The following CDH5 variants were observed in gnomAD, a reference collection of about 807,000 sequenced individuals.
The protein encoded by CDH5 is cadherin-5.
CDH5 carries 28 observed loss-of-function variants against 62.0 expected under a neutral mutation model. That is an observed-to-expected ratio of 0.45 (90% CI 0.33 to 0.62). CDH5 has a LOEUF of 0.62. Ranked by LOEUF, CDH5 falls within the 20% of genes least tolerant of loss-of-function variation. The pLI is 0.02. For synonymous variants in CDH5, 464 were observed against 445.8 expected, an observed-to-expected ratio of 1.04 and a Z score of -0.52; for missense variants, 940 against 1,065.1, an observed-to-expected ratio of 0.88 and a Z score of 1.63.
At chr16:66,381,608 T>C (rs1050089616) in intron 2 of CDH5, among the ~76,000 whole-genome samples, 1 of 152,194 alleles carries the variant, frequency 6.6e-6, no homozygotes, top group African/African-American at 2.4e-5. Context: ...GTCAATGTGC[T>C]AGAGAAAGGA....
chr16:66,387,342 C>G (rs1195168928), intron 3 of CDH5, among the ~76,000 whole-genome samples: 3 of 152,242 alleles, frequency 2.0e-5, no homozygotes, highest in Non-Finnish European at 2.9e-5. Context: ...TGGACTGAGC[C>G]CTGACTACAG....
chr16:66,390,349 C>T (rs766550087), intron 5 of CDH5, 54 bp from the exon 6 acceptor site: 48 of 1,368,346 alleles, frequency 3.5e-5, no homozygotes, highest in Non-Finnish European at 4.2e-5. Context: ...AAGAGGCAAT[C>T]GCCTTGTCTA....
chr16:66,379,271 C>A, intron 1 of CDH5, 48 bp from the exon 2 acceptor site: 1 of 1,396,598 alleles, frequency 7.2e-7, no homozygotes, highest in Non-Finnish European at 9.9e-7. Context: ...CTAAGTACTC[C>A]TTTCATCGTC....
At chr16:66,385,960 G>A (rs1229740621) in intron 2 of CDH5, among the ~76,000 whole-genome samples, 1 of 152,300 alleles carries the variant, frequency 6.6e-6, no homozygotes, top group East Asian at 1.9e-4. Flanking sequence ...ATCTTTGCGT[G>A]GAACAGCAGA....
In CDH5 at chr16:66,403,305, C is replaced by T. The variant is rs901063549; in HGVS notation, c.*136C>T. On this transcript the variant is annotated 3_prime_UTR_variant, in exon 12 of 12. Transcript: ENST00000341529. The surrounding 1 kb of genome is among the most constrained non-coding windows in gnomAD (Gnocchi z 4.3). ...CCTTCCTCGTGGGTCCCAGAGACCT[C>T]ATCAGCCTTGGGATAGCAAACTCCA... 3.3e-5 allele frequency: 24 copies of T among 734,698 alleles called. No individual in the cohort carries two copies. The highest frequency in any genetic ancestry group is 8.7e-6 in the Non-Finnish European group (4 of 457,216). 45.5% of individuals were successfully genotyped at this position (734,698 alleles called of 1,614,324 possible). A position where few individuals can be genotyped will look rare whatever the true frequency, so the allele number is the denominator to read the frequency against.
rs892651210 is a variant in CDH5 at position 66,403,439 on chromosome 16, C to G, written c.*270C>G. ...CAGACATCCACATAACCCTGTCACC[C>G]ACAGACCGCCGTCTAACTCAAAGAC... On this transcript the variant is annotated 3_prime_UTR_variant, in exon 12 of 12. Coordinates refer to ENST00000341529, the MANE Select transcript of CDH5 (RefSeq NM_001795.5). The surrounding 1 kb of genome is among the most constrained non-coding windows in gnomAD (Gnocchi z 4.3). 1.2e-5 allele frequency: 6 copies of G among 487,232 alleles called. No homozygotes were observed. The highest frequency in any genetic ancestry group is 1.9e-5 in the Non-Finnish European group (5 of 269,804). 30.2% of individuals were successfully genotyped at this position (487,232 alleles called of 1,614,324 possible).
intron 2 of CDH5, among the ~76,000 whole-genome samples, chr16:66,385,245 G>A (rs866669372): frequency 1.8e-4 from 27 of 152,220 alleles, no homozygotes; most frequent in South Asian, 6.2e-4. Flanking sequence ...TCTTTAAATG[G>A]AGATCCTCTA....
At chr16:66,398,617 A>C in intron 10 of CDH5, 56 bp downstream of exon 10, 6 of 907,424 alleles carry the variant, frequency 6.6e-6, no homozygotes, top group Non-Finnish European at 1.1e-5. Flanking sequence ...CTGTAGTCTC[A>C]GCTACTCAGG....
intron 8 of CDH5, among the ~76,000 whole-genome samples, chr16:66,396,861 C>T (rs549892477): frequency 1.6e-3 from 249 of 152,304 alleles, no homozygotes; most frequent in African/African-American, 5.6e-3. Flanking sequence ...GGATCCCTGG[C>T]GCCTGCCGGG....
At chr16:66,367,498 TC>T (rs1010958945) in intron 1 of CDH5, among the ~76,000 whole-genome samples, 16 of 152,098 alleles carry the variant, frequency 1.1e-4, no homozygotes, top group African/African-American at 3.9e-4. Context: ...GCCCAGGAAG[TC>T]CCCCAGAAGC....
At chr16:66,400,200 G>C (rs1239882454) in intron 10 of CDH5, among the ~76,000 whole-genome samples, 1 of 152,174 alleles carries the variant, frequency 6.6e-6, no homozygotes, top group Non-Finnish European at 1.5e-5. Flanking sequence ...CCAATATTTG[G>C]ACAAAAGCAT....
intron 10 of CDH5, among the ~76,000 whole-genome samples, chr16:66,400,405 CA>C (rs1252032981): frequency 2.0e-5 from 3 of 152,176 alleles, no homozygotes; most frequent in Admixed American, 2.0e-4. Context: ...CGCTGCTTGT[CA>C]AAGCTTGAAA....
At chr16:66,380,511 A>G (rs986085576) in intron 2 of CDH5, among the ~76,000 whole-genome samples, 2 of 142,776 alleles carry the variant, frequency 1.4e-5, no homozygotes, top group Non-Finnish European at 3.0e-5. Flanking sequence ...CGGTGATGAT[A>G]AAGGGGTAGG....
chr16:66,390,530 G>A lies in CDH5; in HGVS notation c.909G>A (p.Gln303=), dbSNP rs774145294. The A allele has an allele frequency of 1.6e-5, 26 of 1,614,020 alleles. No homozygotes were observed. The highest frequency in any genetic ancestry group is 1.7e-6 in the Non-Finnish European group (2 of 1,180,018). The change falls in exon 6 of 12, where the codon CAG becomes CAA. Residue 303 remains glutamine, a synonymous_variant. Coordinates refer to ENST00000341529, the MANE Select transcript of CDH5 (RefSeq NM_001795.5). ...TKYSILRGDY[Q]DAFTIETNPA... Reference sequence around the variant, plus strand: ...ACAGCATCTTGCGGGGCGACTACCAGGACGCTTTCACCATTGAGACAAACC... The same window carrying A: ...ACAGCATCTTGCGGGGCGACTACCAAGACGCTTTCACCATTGAGACAAACC...
chr16:66,372,495 G>A (rs116513777), intron 1 of CDH5, among the ~76,000 whole-genome samples: 99 of 152,288 alleles, frequency 6.5e-4, no homozygotes, highest in African/African-American at 2.3e-3. Flanking sequence ...CCTGTGGGCC[G>A]GAGCTATGCC....
rs1343480356 is a variant in CDH5, at chr16:66,392,268, G to A, written c.1102G>A (p.Glu368Lys). 3 of 1,614,012 alleles carry A rather than the reference G, an allele frequency of 1.9e-6. No homozygotes were observed. Among genetic ancestry groups the A allele is most frequent in the Admixed American group, 1.7e-5 (1 of 59,994 alleles). The change falls in exon 7 of 12, where the codon GAG becomes AAG. Residue 368 changes from glutamate (E) to lysine (K), a missense_variant. Transcript: ENST00000341529. ...CATTATCAACATCACAGATGTGGAC[G>A]AGCCCCCCATTTTCCAGCAGCCTTT... ...QVIINITDVDEPPIFQQPFYH... is the reference protein window; with the variant it reads ...QVIINITDVDKPPIFQQPFYH...
chr16:66,396,613 T>C (rs995984621), intron 8 of CDH5, among the ~76,000 whole-genome samples: 4 of 152,110 alleles, frequency 2.6e-5, no homozygotes, highest in African/African-American at 7.2e-5. Context: ...TTAGTTATCA[T>C]GGCTGTTTGG....
chr16:66,392,707 C>T (rs775756399), intron 7 of CDH5: 3 of 298,664 alleles, frequency 1.0e-5, no homozygotes, highest in East Asian at 6.2e-5. Flanking sequence ...ACCAATCAGA[C>T]GACACACCAG....
intron 3 of CDH5, 97 bp from the exon 4 acceptor site, chr16:66,388,227 G>T: frequency 1.3e-6 from 1 of 763,090 alleles, no homozygotes; most frequent in South Asian, 1.6e-5. Flanking sequence ...GGGAGGTGGG[G>T]ACAGAGCACA....
Sources: allele counts gnomAD v4.1 joint callset (sites outside exome capture counted in the v4.1 genomes callset), GRCh38; gene constraint gnomAD v4.1.1; non-coding constraint Gnocchi (gnomAD v3.1); transcripts MANE v1.5; gene names NCBI Gene and HGNC (gene_info 2026-07-23, HGNC 2026-07-21).